The following EYA2 variants were observed in gnomAD, a reference collection of about 807,000 sequenced individuals.
EYA2 encodes EYA transcriptional coactivator and phosphatase 2, also known as protein phosphatase EYA2.
EYA2 carries 31 observed loss-of-function variants against 69.2 expected under a neutral mutation model. That is an observed-to-expected ratio of 0.45 (90% CI 0.34 to 0.60). The LOEUF (loss-of-function observed/expected upper bound fraction) is 0.60, where lower values mean the gene tolerates loss of function less well. Ranked by LOEUF, EYA2 falls within the 20% of genes least tolerant of loss-of-function variation. The pLI, the probability that EYA2 is intolerant of heterozygous loss-of-function variation, is 0.02. For synonymous variants in EYA2, 257 were observed against 279.4 expected (o/e 0.92, Z 0.80); for missense variants, 622 against 701.2 (o/e 0.89, Z 1.28).
At chr20:46,909,343 T>C (rs1984533770) in intron 1 of EYA2, among the ~76,000 whole-genome samples, 1 of 152,004 alleles carries the variant, frequency 6.6e-6, no homozygotes, top group African/African-American at 2.4e-5. Context: ...GTTGAGTAAT[T>C]CAATGGGGGT....
chr20:47,129,725 C>G (rs1327980610), intron 9 of EYA2, among the ~76,000 whole-genome samples: 2 of 152,180 alleles, frequency 1.3e-5, no homozygotes, highest in Non-Finnish European at 1.5e-5. Context: ...GGCTCCTTGT[C>G]TTCCTCCCTC....
chr20:46,904,310 T>C (rs1464827320), intron 1 of EYA2, among the ~76,000 whole-genome samples: 1 of 151,854 alleles, frequency 6.6e-6, no homozygotes, highest in Non-Finnish European at 1.5e-5. Flanking sequence ...TTTCTTGCTG[T>C]ACCCCCACCC....
chr20:47,086,432 T>C (rs560281779), intron 7 of EYA2, among the ~76,000 whole-genome samples: 1 of 152,326 alleles, frequency 6.6e-6, no homozygotes, highest in African/African-American at 2.4e-5. Context: ...AGTATGGTGC[T>C]GGCATCTGCT....
intron 1 of EYA2, among the ~76,000 whole-genome samples, chr20:46,977,584 C>T (rs1980540023): frequency 6.6e-6 from 1 of 152,174 alleles, no homozygotes; most frequent in Admixed American, 6.5e-5. Context: ...GGAGTAGCAG[C>T]TTTGCTCTTT....
At chr20:46,920,312 G>A (rs1985124149) in intron 1 of EYA2, among the ~76,000 whole-genome samples, 1 of 151,510 alleles carries the variant, frequency 6.6e-6, no homozygotes, top group African/African-American at 2.4e-5. Context: ...CTTTATTGCG[G>A]TGATCTGGAA....
intron 1 of EYA2, among the ~76,000 whole-genome samples, chr20:46,942,723 G>A (rs1986206616): frequency 6.6e-6 from 1 of 152,182 alleles, no homozygotes; most frequent in Admixed American, 6.5e-5. Flanking sequence ...TGAGGACACT[G>A]ACAGACCTGC....
At chr20:46,950,417 C>T (rs1384687045) in intron 1 of EYA2, among the ~76,000 whole-genome samples, 2 of 152,104 alleles carry the variant, frequency 1.3e-5, no homozygotes, top group Non-Finnish European at 2.9e-5. Flanking sequence ...GGTCTCATGG[C>T]TGGGCACTGA....
chr20:46,919,161 A>G (rs1246676544), intron 1 of EYA2, among the ~76,000 whole-genome samples: 3 of 152,220 alleles, frequency 2.0e-5, no homozygotes, highest in Admixed American at 2.0e-4. Context: ...CATCATTCTT[A>G]AGGGTCCTAG....
chr20:46,986,276 T>C (rs1981176398), intron 1 of EYA2, among the ~76,000 whole-genome samples: 1 of 145,998 alleles, frequency 6.8e-6, no homozygotes, highest in Non-Finnish European at 1.5e-5. Context: ...GATATATATA[T>C]AATATATCTC....
At chr20:47,017,702 T>C (rs1983494520) in intron 5 of EYA2, among the ~76,000 whole-genome samples, 1 of 152,140 alleles carries the variant, frequency 6.6e-6, no homozygotes, top group South Asian at 2.1e-4. Context: ...CCAAACATGC[T>C]AGGTGCCAGG....
At chr20:47,128,019 C>T (rs2033243241) in intron 9 of EYA2, among the ~76,000 whole-genome samples, 1 of 152,168 alleles carries the variant, frequency 6.6e-6, no homozygotes, top group East Asian at 1.9e-4. Flanking sequence ...AATCTTTTCA[C>T]AAACACACCT....
intron 10 of EYA2, among the ~76,000 whole-genome samples, chr20:47,153,259 GA>G (rs1344631272): frequency 4.6e-5 from 7 of 151,980 alleles, no homozygotes; most frequent in Non-Finnish European, 1.0e-4. Flanking sequence ...TGTTTTAGGG[GA>G]AAAATGACCA....
At chr20:47,075,840 C>T (rs770625756) in intron 7 of EYA2, among the ~76,000 whole-genome samples, 3 of 152,148 alleles carry the variant, frequency 2.0e-5, no homozygotes, top group Non-Finnish European at 4.4e-5. Context: ...GTTTTCCAGT[C>T]CTCACCTTCC....
chr20:47,011,013 T>C (rs1368041450), intron 4 of EYA2, among the ~76,000 whole-genome samples: 1 of 152,190 alleles, frequency 6.6e-6, no homozygotes, highest in African/African-American at 2.4e-5. Flanking sequence ...GATCTTGAAC[T>C]CCTGGCCTCA....
At chr20:46,979,156 G>A (rs1417841798) in intron 1 of EYA2, among the ~76,000 whole-genome samples, 2 of 152,226 alleles carry the variant, frequency 1.3e-5, no homozygotes, top group Admixed American at 1.3e-4. Context: ...GGTAGCTGGT[G>A]TACTCACGGG....
chr20:47,144,648 A>G (rs372418526), intron 10 of EYA2, among the ~76,000 whole-genome samples: 2 of 152,178 alleles, frequency 1.3e-5, no homozygotes, highest in Admixed American at 6.5e-5. Flanking sequence ...TGTCTAATCT[A>G]TGTAAGCCTC....
intron 5 of EYA2, among the ~76,000 whole-genome samples, chr20:47,054,619 C>T (rs1459014412): frequency 6.6e-6 from 1 of 152,122 alleles, no homozygotes; most frequent in African/African-American, 2.4e-5. Flanking sequence ...CTTTGCCCAG[C>T]ACCCAACACT....
intron 10 of EYA2, among the ~76,000 whole-genome samples, chr20:47,164,101 C>G (rs2034130780): frequency 6.6e-6 from 1 of 152,118 alleles, no homozygotes; most frequent in South Asian, 2.1e-4. Flanking sequence ...TTACAGTCCC[C>G]TCACCCTCGT....
chr20:47,153,673 A>T (rs1206359701), intron 10 of EYA2, among the ~76,000 whole-genome samples: 2 of 151,588 alleles, frequency 1.3e-5, no homozygotes, highest in Non-Finnish European at 2.9e-5. Flanking sequence ...AAAAAGACTG[A>T]GAAGTTAGTG....
Sources: allele counts gnomAD v4.1 joint callset (sites outside exome capture counted in the v4.1 genomes callset), GRCh38; gene constraint gnomAD v4.1.1; transcripts MANE v1.5; gene names NCBI Gene and HGNC (gene_info 2026-07-23, HGNC 2026-07-21).